The following CCDC7 variants were observed in gnomAD, a reference collection of about 807,000 sequenced individuals.
CCDC7 encodes coiled-coil domain containing 7, also known as coiled-coil domain-containing protein 7.
Under a neutral mutation model 196.9 loss-of-function variants are expected in CCDC7, and 183 were observed. The ratio of observed to expected loss-of-function variants is 0.93; its 90% CI spans 0.82 to 1.05. The LOEUF (loss-of-function observed/expected upper bound fraction) is 1.05. Among genes scored for constraint, CCDC7 ranks in the 50% least tolerant of loss-of-function variants. The pLI, the probability that CCDC7 is intolerant of heterozygous loss-of-function variation, is 0.00. For synonymous variants in CCDC7, 525 were observed against 484.6 expected, an observed-to-expected ratio of 1.08 and a Z score of -1.10; for missense variants, 1,540 against 1,482.2, an observed-to-expected ratio of 1.04 and a Z score of -0.64.
At chr10:32,497,719 T>C (rs1436508077) in intron 9 of CCDC7, among the ~76,000 whole-genome samples, 1 of 152,232 alleles carries the variant, frequency 6.6e-6, no homozygotes, top group Non-Finnish European at 1.5e-5. Flanking sequence ...AGTTTCTTAA[T>C]CCTGAGTTCT....
intron 18 of CCDC7, among the ~76,000 whole-genome samples, chr10:32,588,295 A>C (rs562293960): frequency 1.3e-5 from 2 of 152,230 alleles, no homozygotes; most frequent in Non-Finnish European, 2.9e-5. Context: ...GTTTTTATAA[A>C]TGTACTTTAT....
At chr10:32,463,172 C>A in intron 5 of CCDC7, 123 bp downstream of exon 6, 2 of 1,284,274 alleles carry the variant, frequency 1.6e-6, no homozygotes, top group Admixed American at 2.3e-5. Flanking sequence ...TATAAAGTAA[C>A]CTTTTGGTTT....
chr10:32,670,095 G>T (rs1271412665), intron 21 of CCDC7, among the ~76,000 whole-genome samples: 1 of 152,058 alleles, frequency 6.6e-6, no homozygotes, highest in Non-Finnish European at 1.5e-5. Flanking sequence ...TTCCTGGGTT[G>T]TCCTGGGTTC....
chr10:32,804,951 A>G, intron 29 of CCDC7, 64 bp from the exon 31 acceptor site: 2 of 845,564 alleles, frequency 2.4e-6, no homozygotes, highest in Non-Finnish European at 4.0e-6. Flanking sequence ...ACACACACAC[A>G]CCCCTCACAT....
intron 11 of CCDC7, among the ~76,000 whole-genome samples, chr10:32,537,720 GT>G (rs1419831729): frequency 1.4e-4 from 22 of 152,132 alleles, no homozygotes; most frequent in Admixed American, 1.2e-3. Context: ...TGGCTGGCCA[GT>G]TATTCCAGCC....
chr10:32,575,511 A>C (rs1461180494), intron 16 of CCDC7, among the ~76,000 whole-genome samples: 1 of 152,200 alleles, frequency 6.6e-6, no homozygotes, highest in Non-Finnish European at 1.5e-5. Flanking sequence ...TGCTCCTGAG[A>C]GGAACCCCCT....
intron 21 of CCDC7, among the ~76,000 whole-genome samples, chr10:32,681,493 A>G (rs1048591273): frequency 5.9e-5 from 9 of 152,158 alleles, no homozygotes; most frequent in Non-Finnish European, 1.3e-4. Context: ...TTTCAACTTA[A>G]GGCGATTAGA....
At chr10:32,457,042 C>T (rs1322096428) in intron 3 of CCDC7, among the ~76,000 whole-genome samples, 1 of 150,886 alleles carries the variant, frequency 6.6e-6, no homozygotes, top group Non-Finnish European at 1.5e-5. Context: ...TATAATAAAC[C>T]GTTGTTAGCT....
At chr10:32,649,138 CA>C (rs1293616469) in intron 20 of CCDC7, among the ~76,000 whole-genome samples, 1 of 152,132 alleles carries the variant, frequency 6.6e-6, no homozygotes, top group Non-Finnish European at 1.5e-5. Flanking sequence ...GGGGGATCAA[CA>C]CACACTGGGC....
chr10:32,556,587 C>A (rs1232116578), intron 13 of CCDC7, among the ~76,000 whole-genome samples: 1 of 152,124 alleles, frequency 6.6e-6, no homozygotes, highest in Admixed American at 6.5e-5. Flanking sequence ...AGTCTTCTAT[C>A]TTTTTCATCA....
At chr10:32,666,382 T>C (rs1285119318) in intron 21 of CCDC7, among the ~76,000 whole-genome samples, 1 of 152,100 alleles carries the variant, frequency 6.6e-6, no homozygotes, top group Non-Finnish European at 1.5e-5. Flanking sequence ...AGTATTTCTT[T>C]TGTTTTTTTT....
intron 11 of CCDC7, among the ~76,000 whole-genome samples, chr10:32,527,824 T>C (rs1027357122): frequency 6.6e-5 from 10 of 152,176 alleles, no homozygotes; most frequent in Non-Finnish European, 1.5e-4. Context: ...TAGAGAATAA[T>C]GGTTATGGAA....
chr10:32,869,082 C>A (rs1415672410), intron 41 of CCDC7, among the ~76,000 whole-genome samples: 6 of 152,006 alleles, frequency 3.9e-5, no homozygotes, highest in Non-Finnish European at 8.8e-5. Flanking sequence ...GGGTATATAC[C>A]CAGTAATGGG....
At chr10:32,602,881 G>A (rs2061205035) in intron 18 of CCDC7, among the ~76,000 whole-genome samples, 1 of 152,082 alleles carries the variant, frequency 6.6e-6, no homozygotes, top group African/African-American at 2.4e-5. Flanking sequence ...TTGGATATAT[G>A]CATACAATGT....
At chr10:32,728,009 C>T (rs2083370394) in intron 26 of CCDC7, among the ~76,000 whole-genome samples, 1 of 152,160 alleles carries the variant, frequency 6.6e-6, no homozygotes, top group African/African-American at 2.4e-5. Context: ...GTAGGTTCAT[C>T]ATGGGTATGC....
chr10:32,559,487 A>G (rs1255627576), intron 13 of CCDC7, among the ~76,000 whole-genome samples: 5 of 152,236 alleles, frequency 3.3e-5, no homozygotes, highest in Non-Finnish European at 7.3e-5. Flanking sequence ...TTGCAGAGGA[A>G]CGATCAGACA....
At chr10:32,619,771 A>AT (rs1190610777) in intron 18 of CCDC7, among the ~76,000 whole-genome samples, 5 of 151,252 alleles carry the variant, frequency 3.3e-5, no homozygotes, top group African/African-American at 2.4e-5. Context: ...TTTAAAAAAA[A>AT]TTTTTTTTGT....
chr10:32,723,641 T>G (rs947677776), intron 25 of CCDC7, among the ~76,000 whole-genome samples: 12 of 152,032 alleles, frequency 7.9e-5, no homozygotes, highest in Non-Finnish European at 1.6e-4. Context: ...TCCTCCTCTT[T>G]AGGCAAAGTG....
intron 28 of CCDC7, among the ~76,000 whole-genome samples, chr10:32,777,970 T>C (rs2080383062): frequency 1.3e-5 from 2 of 152,254 alleles, no homozygotes; most frequent in Non-Finnish European, 2.9e-5. Flanking sequence ...TTCATATGTT[T>C]CTTGGCCACT....
Sources: allele counts gnomAD v4.1 joint callset (sites outside exome capture counted in the v4.1 genomes callset), GRCh38; gene constraint gnomAD v4.1.1; transcripts MANE v1.5; gene names NCBI Gene and HGNC (gene_info 2026-07-23, HGNC 2026-07-21).